TCF21: variants seen among roughly 807,000 people sequenced by gnomAD.
TCF21 encodes capsulin.
Under a neutral mutation model 13.5 loss-of-function variants are expected in TCF21, and 3 were observed. The ratio of observed to expected loss-of-function variants is 0.22; its 90% CI spans 0.10 to 0.57. The LOEUF (loss-of-function observed/expected upper bound fraction) is 0.57, where lower values mean the gene tolerates loss of function less well. TCF21 is among the 20% of genes least tolerant of loss of function. TCF21 has a pLI of 0.92. For synonymous variants in TCF21, 92 were observed against 101.7 expected (o/e 0.90, Z 0.57); for missense variants, 181 against 238.4 (o/e 0.76, Z 1.59).
chr6:133,893,259 G>A (rs1775250747), downstream of TCF21: 1 of 152,390 alleles, frequency 6.6e-6, no homozygotes, highest in Non-Finnish European at 1.5e-5. Context: ...CCGCTAGGCT[G>A]GTCCCGACTG....
At chr6:133,891,151 A>G (rs1217594665) in intron 1 of TCF21, among the ~76,000 whole-genome samples, 1 of 152,220 alleles carries the variant, frequency 6.6e-6, no homozygotes, top group African/African-American at 2.4e-5. Flanking sequence ...AGAGGTGGTG[A>G]TTAATCTAGA....
chr6:133,889,625 G>A lies in TCF21; in HGVS notation c.228G>A (p.Gly76=). The change falls in exon 1 of 2, where the codon GGG becomes GGA. Residue 76 remains glycine, a synonymous_variant. Transcript: ENST00000367882. The surrounding 1 kb of genome is among the most constrained non-coding windows in gnomAD (Gnocchi z 5.1). ...KSPLSGVSQE[G]KQVQRNAANA... ...CCCTGAGCGGGGTCAGCCAGGAGGG[G>A]AAGCAGGTCCAGCGCAACGCCGCCA... 1.2e-6 allele frequency: 2 copies of A among 1,613,862 alleles called. No homozygotes were observed. The highest frequency in any genetic ancestry group is 2.2e-5 in the South Asian group (2 of 91,060).
Position 133,892,017 on chromosome 6 carries a change from A to G in TCF21, c.*215A>G, listed in dbSNP as rs1403305203. 5 of 542,210 alleles carry G rather than the reference A, an allele frequency of 9.2e-6. No homozygotes were observed. The highest frequency in any genetic ancestry group is 1.6e-5 in the Non-Finnish European group (5 of 304,018). The allele number at this position is 542,210 out of a possible 1,614,324, so 33.6% of individuals were successfully genotyped here. On this transcript the variant is annotated 3_prime_UTR_variant, in exon 2 of 2. Coordinates refer to ENST00000367882, the MANE Select transcript of TCF21 (RefSeq NM_003206.4). ...CAAAGATTCCCATCTATTTAACTTT[A>G]TTAACTTCTACCGTGAATGACTCTG...
chr6:133,891,762 T>A lies in TCF21; in HGVS notation c.500T>A (p.Val167Glu). The A allele has an allele frequency of 6.2e-7, 1 of 1,613,224 alleles. No homozygotes were observed. Among genetic ancestry groups the A allele is most frequent in the Non-Finnish European group, 8.5e-7 (1 of 1,179,876 alleles). ...AGKPESDLKE[V>E]VTASRLCGTT... is the part of the protein sequence containing the mutation. ...AAACCCGAGAGTGACCTGAAAGAAG[T>A]GGTGACCGCGAGCCGCTTATGTGGA... The change falls in exon 2 of 2, where the codon GTG (valine) becomes GAG (glutamate). Residue 167 changes from valine (V) to glutamate (E), a missense_variant. Around this residue, in one of 3 missense-constraint regions of TCF21, gnomAD observed 55 missense variants for 59.5 expected, o/e 0.92. Transcript: ENST00000367882.
At chr6:133,891,583 G>C in intron 1 of TCF21, 130 bp from the exon 2 acceptor site, 1 of 983,126 alleles carries the variant, frequency 1.0e-6, no homozygotes, top group South Asian at 1.4e-5. Flanking sequence ...GGAGTAAATT[G>C]CAGAGATAAC....
At chr6:133,891,550 A>C (rs1318194471) in intron 1 of TCF21, 163 bp from the exon 2 acceptor site, 4 of 763,052 alleles carry the variant, frequency 5.2e-6, no homozygotes, top group Non-Finnish European at 8.8e-6. Flanking sequence ...TGCTTTATGC[A>C]GCCGCAGGGT....
At chr6:133,892,488 A>G (rs1475387145), downstream of TCF21, 1 of 152,266 alleles carries the variant, frequency 6.6e-6, no homozygotes, top group Non-Finnish European at 1.5e-5. Flanking sequence ...ATAACTGAAA[A>G]CAAAGAATGG....
downstream of TCF21, chr6:133,894,006 T>C (rs1775263096): frequency 6.6e-6 from 1 of 152,174 alleles, no homozygotes; most frequent in Non-Finnish European, 1.5e-5. Context: ...TTACAGAGGC[T>C]TAGTGAGGCT....
At position 133,891,901 on chromosome 6, in the gene TCF21, C is replaced by G. The variant is rs1775225733; in HGVS notation, c.*99C>G. The G allele has an allele frequency of 2.0e-5, 25 of 1,232,014 alleles. No homozygotes were observed. The South Asian group carries it at 3.1e-4, about 15-fold the overall frequency. 76.3% of individuals were successfully genotyped at this position (1,232,014 alleles called of 1,614,324 possible). ...GTGCTCTCTGTCTCTGCTTCCCCCT[C>G]GCAATGCTCCTCTCTCTGTCCCACC... On this transcript the variant is annotated 3_prime_UTR_variant, in exon 2 of 2. Coordinates refer to ENST00000367882, the MANE Select transcript of TCF21 (RefSeq NM_003206.4).
chr6:133,889,815 T>C lies in TCF21; in HGVS notation c.418T>C (p.Tyr140His), dbSNP rs142170164. The C allele has an allele frequency of 9.1e-5, 146 of 1,612,714 alleles. No individual in the cohort carries two copies. Among genetic ancestry groups the C allele is most frequent in the Non-Finnish European group, 9.7e-5 (115 of 1,179,834 alleles). Residue 140 changes from tyrosine to histidine, a missense_variant, in exon 1 of 2, where the codon TAC (tyrosine) becomes CAC (histidine). This residue lies in a region of TCF21 where 55 missense variants were observed against 59.5 expected (regional missense o/e 0.92). Transcript: ENST00000367882. This position sits in a 1 kb window ranked among gnomAD's most constrained non-coding sequence, Gnocchi z 5.1. ...GAGGCAGATCCTGGCTAACGACAAA[T>C]ACGAGAACGGGTACATTCACCCGGT... ...HLRQILANDK[Y>H]ENGYIHPVNL...
rs550818611 is a variant in TCF21 at position 133,891,905 on chromosome 6, A to G, written c.*103A>G. The G allele has an allele frequency of 7.5e-5, 91 of 1,209,692 alleles. No individual in the cohort carries two copies. Among genetic ancestry groups the G allele is most frequent in the Middle Eastern group, 2.4e-4 (1 of 4,182 alleles). The allele number at this position is 1,209,692 out of a possible 1,614,324, so 74.9% of individuals were successfully genotyped here. On this transcript the variant is annotated 3_prime_UTR_variant, in exon 2 of 2. Transcript: ENST00000367882. ...TCTCTGTCTCTGCTTCCCCCTCGCA[A>G]TGCTCCTCTCTCTGTCCCACCCCGC...
rs1462022607 is a variant in TCF21, at chr6:133,889,932, G to GT, written c.450+86dup. The GT allele has an allele frequency of 1.4e-6, 2 of 1,462,990 alleles. No homozygotes were observed. The highest frequency in any genetic ancestry group is 2.8e-5 in the African/African-American group (2 of 71,728). 90.6% of individuals were successfully genotyped at this position (1,462,990 alleles called of 1,614,324 possible). ...GGCGCGAGTGCGCGCGGGGCTGGGA[G>GT]TGGGGGTGTGGGCGCGGCGGTGACT... On this transcript the variant is annotated intron_variant, in intron 1 of 1. Coordinates refer to ENST00000367882, the MANE Select transcript of TCF21 (RefSeq NM_003206.4). The surrounding 1 kb of genome is among the most constrained non-coding windows in gnomAD (Gnocchi z 5.1).
At chr6:133,890,796 A>G (rs1431573905) in intron 1 of TCF21, among the ~76,000 whole-genome samples, 1 of 152,232 alleles carries the variant, frequency 6.6e-6, no homozygotes, top group Non-Finnish European at 1.5e-5. Context: ...GCACTAGAGC[A>G]GTAGTGAGAG....
chr6:133,893,600 A>G (rs1159559408), downstream of TCF21: 4 of 152,198 alleles, frequency 2.6e-5, no homozygotes, highest in Non-Finnish European at 4.4e-5. Context: ...AAGAGTCCCC[A>G]GTGTGATTCA....
At chr6:133,892,524 T>C (rs895991554), downstream of TCF21, 1 of 152,242 alleles carries the variant, frequency 6.6e-6, no homozygotes, top group Non-Finnish European at 1.5e-5. Context: ...TCCACAGTTA[T>C]ACAGTTCAAG....
chr6:133,889,135 C>T lies in TCF21; in HGVS notation c.-263C>T, dbSNP rs1370316583. The T allele has an allele frequency of 3.6e-6, 2 of 548,462 alleles. No homozygotes were observed. Among genetic ancestry groups the T allele is most frequent in the South Asian group, 2.1e-5 (1 of 48,726 alleles). 34.0% of individuals were successfully genotyped at this position (548,462 alleles called of 1,614,324 possible). On this transcript the variant is annotated 5_prime_UTR_variant, in exon 1 of 2. In the 5' UTR this introduces an upstream ATG that the reference lacks. Transcript: ENST00000367882. The surrounding 1 kb of genome is among the most constrained non-coding windows in gnomAD (Gnocchi z 5.1). ...CTCAGCGCTCGCTCACCCTCCTCTA[C>T]GGCCACGACTCTGGGAGTGGGGAAA... is the stretch of plus-strand genomic sequence containing the variant.
In TCF21 at chr6:133,891,835, C is replaced by G. The variant is rs756682579; in HGVS notation, c.*33C>G. 1 of 1,611,008 alleles carries G rather than the reference C, an allele frequency of 6.2e-7. No individual in the cohort carries two copies. The highest frequency in any genetic ancestry group is 1.3e-5 in the African/African-American group (1 of 74,824). ...GGTGCGAGTCTGGGAAAGGCGCGCT[C>G]CCGGGGGGAGCGGGCCCCGGGAAGG... is the stretch of plus-strand genomic sequence containing the variant. On this transcript the variant is annotated 3_prime_UTR_variant, in exon 2 of 2. Coordinates refer to ENST00000367882, the MANE Select transcript of TCF21 (RefSeq NM_003206.4).
chr6:133,894,996 G>GT (rs1775278858), downstream of TCF21: 1 of 149,920 alleles, frequency 6.7e-6, no homozygotes, highest in African/African-American at 2.5e-5. Flanking sequence ...CTGCAGCCAG[G>GT]GAAGTCCTCT....
chr6:133,891,827 G>A lies in TCF21; in HGVS notation c.*25G>A. 5 of 1,612,816 alleles carry A rather than the reference G, an allele frequency of 3.1e-6. No individual in the cohort carries two copies. The highest frequency in any genetic ancestry group is 4.2e-6 in the Non-Finnish European group (5 of 1,179,090). On this transcript the variant is annotated 3_prime_UTR_variant, in exon 2 of 2. Transcript: ENST00000367882. ...ACCTTGGAGGTGCGAGTCTGGGAAA[G>A]GCGCGCTCCCGGGGGGAGCGGGCCC... is the stretch of plus-strand genomic sequence containing the variant.
Sources: gnomAD v4.1 joint callset for allele counts (sites outside exome capture counted in the v4.1 genomes callset) on GRCh38, gnomAD v4.1.1 for gene constraint, gnomAD v4.1.1 regional missense constraint, Gnocchi (gnomAD v3.1) non-coding constraint, MANE v1.5 for transcripts, NCBI Gene and HGNC (gene_info 2026-07-23, HGNC 2026-07-21) for gene names.